Variants in SORCS3 observed in about 807,000 individuals in gnomAD.
The protein encoded by SORCS3 is VPS10 domain-containing receptor SorCS3.
A neutral mutation model predicts 146.3 loss-of-function variants in SORCS3; 57 were observed. That is an observed-to-expected ratio of 0.39 (90% CI 0.31 to 0.49). SORCS3 has a LOEUF of 0.49. SORCS3 is among the 20% of genes least tolerant of loss of function. The pLI, the probability that SORCS3 is intolerant of heterozygous loss-of-function variation, is 0.92. For synonymous variants in SORCS3, 653 were observed against 618.5 expected, an observed-to-expected ratio of 1.06 and a Z score of -0.83; for missense variants, 1,341 against 1,575.5, an observed-to-expected ratio of 0.85 and a Z score of 2.52.
At chr10:104,870,500 G>T (rs1352060145) in intron 2 of SORCS3, among the ~76,000 whole-genome samples, 1 of 151,936 alleles carries the variant, frequency 6.6e-6, no homozygotes, top group Non-Finnish European at 1.5e-5. Context: ...ACCTAAAACT[G>T]CCATCCACCC....
chr10:105,009,297 A>G (rs980009814), intron 4 of SORCS3, among the ~76,000 whole-genome samples: 16 of 152,182 alleles, frequency 1.1e-4, no homozygotes, highest in African/African-American at 3.9e-4. Flanking sequence ...TGTGGTAGAA[A>G]GAATTCAAGA....
chr10:104,804,016 T>A (rs2017654544), intron 1 of SORCS3, among the ~76,000 whole-genome samples: 1 of 152,240 alleles, frequency 6.6e-6, no homozygotes, highest in Admixed American at 6.5e-5. Context: ...TTTTGGGGTT[T>A]CTATTCACAA....
rs879267207 is a variant in SORCS3 at position 105,223,139 on chromosome 10, C to T, written c.2758C>T (p.Arg920Ter). The T allele has an allele frequency of 8.1e-6, 13 of 1,608,536 alleles. No homozygotes were observed. Among genetic ancestry groups the T allele is most frequent in the African/African-American group, 1.3e-5 (1 of 74,770 alleles). The change falls in exon 20 of 27, where the codon CGA becomes TGA. Residue 920 changes from arginine to a stop codon, truncating the protein, a stop_gained. Coordinates refer to ENST00000369701, the MANE Select transcript of SORCS3 (RefSeq NM_014978.3). LOFTEE classifies it high-confidence loss of function. ...VVCPVEHVHL[R>*]VPFVAIRNKE... ...AGGTCCTGTGGAGCATGTTCATCTC[C>T]GAGTTCCATTTGTTGCCATAAGAAA... is the stretch of plus-strand genomic sequence containing the variant.
chr10:104,829,781 C>T (rs2017980327), intron 1 of SORCS3, among the ~76,000 whole-genome samples: 1 of 152,132 alleles, frequency 6.6e-6, no homozygotes, highest in Non-Finnish European at 1.5e-5. Context: ...TCACCCTCTT[C>T]CTTGAAATGC....
intron 1 of SORCS3, among the ~76,000 whole-genome samples, chr10:104,696,914 T>A (rs993487494): frequency 2.7e-5 from 4 of 150,062 alleles, no homozygotes; most frequent in Non-Finnish European, 5.9e-5. Context: ...CTCACTTACA[T>A]GTGGAATCTA....
intron 11 of SORCS3, among the ~76,000 whole-genome samples, chr10:105,163,157 A>C (rs559860541): frequency 1.3e-5 from 2 of 152,116 alleles, no homozygotes; most frequent in South Asian, 4.1e-4. Context: ...TTGAGTCTCA[A>C]AACAAGTTGG....
intron 5 of SORCS3, among the ~76,000 whole-genome samples, chr10:105,069,520 C>G (rs933259465): frequency 6.6e-6 from 1 of 152,184 alleles, no homozygotes; most frequent in Non-Finnish European, 1.5e-5. Flanking sequence ...GATTATTAAC[C>G]ATGCCTAGGG....
chr10:104,930,832 G>C (rs1241738707), intron 3 of SORCS3, among the ~76,000 whole-genome samples: 1 of 152,174 alleles, frequency 6.6e-6, no homozygotes, highest in Non-Finnish European at 1.5e-5. Context: ...TTCCTCGTCT[G>C]TGTAATCGGG....
intron 1 of SORCS3, among the ~76,000 whole-genome samples, chr10:104,839,413 C>T (rs1564695397): frequency 6.6e-6 from 1 of 152,110 alleles, no homozygotes; most frequent in Non-Finnish European, 1.5e-5. Flanking sequence ...AAGGATGGGG[C>T]ACAGGCAGTG....
At chr10:104,889,212 C>T (rs927613558) in intron 2 of SORCS3, among the ~76,000 whole-genome samples, 6 of 147,428 alleles carry the variant, frequency 4.1e-5, no homozygotes, top group African/African-American at 1.5e-4. Flanking sequence ...TTTTAGACAC[C>T]ATCTAGTTGA....
chr10:104,989,311 G>A (rs1313018213), intron 4 of SORCS3, among the ~76,000 whole-genome samples: 6 of 152,178 alleles, frequency 3.9e-5, no homozygotes, highest in Non-Finnish European at 7.3e-5. Context: ...CAGATTATGC[G>A]AAGAATGGCA....
At position 104,874,256 on chromosome 10, in the gene SORCS3, A is replaced by G. The variant is rs2018547742; in HGVS notation, c.695+31397A>G. ...TTTTCAGAGTTTCTAGTTTGGTTTT[A>G]GATATCTGCCATTTGGATCTGCCAA... On this transcript the variant is annotated intron_variant, in intron 2 of 26. Coordinates refer to ENST00000369701, the MANE Select transcript of SORCS3 (RefSeq NM_014978.3). Among the ~76,000 whole-genome samples the G allele has an allele frequency of 2.6e-5, 4 of 152,072 alleles. No individual in the cohort carries two copies. The South Asian group carries it at 6.2e-4, about 24-fold the overall frequency.
At chr10:104,814,083 T>C (rs1410738322) in intron 1 of SORCS3, among the ~76,000 whole-genome samples, 2 of 152,122 alleles carry the variant, frequency 1.3e-5, no homozygotes, top group African/African-American at 4.8e-5. Flanking sequence ...TCTTCTAGAA[T>C]ATCTCTTACC....
At chr10:105,062,262 G>A (rs1266872628) in intron 5 of SORCS3, among the ~76,000 whole-genome samples, 1 of 152,150 alleles carries the variant, frequency 6.6e-6, no homozygotes, top group East Asian at 1.9e-4. Context: ...ATAATGTAGT[G>A]GCCCAGTGTA....
intron 5 of SORCS3, among the ~76,000 whole-genome samples, chr10:105,045,192 A>G (rs2055362739): frequency 6.6e-6 from 1 of 152,064 alleles, no homozygotes; most frequent in Admixed American, 6.6e-5. Context: ...GTCTGAATGA[A>G]ATTAAGTGCC....
At chr10:104,910,723 TAAG>T (rs1316363138) in intron 2 of SORCS3, among the ~76,000 whole-genome samples, 2 of 152,178 alleles carry the variant, frequency 1.3e-5, no homozygotes, top group South Asian at 2.1e-4. Context: ...CTGGAAATAA[TAAG>T]AAAAAAAGAA....
rs915985363 is a variant in SORCS3 at position 104,683,117 on chromosome 10, C to G, written c.627+41163C>G. ...TAGGAGTAGGGACACTTGTCCTCAA[C>G]CTGGTGCATCCCCAGCCAACTTTAC... is the stretch of plus-strand genomic sequence containing the variant. On this transcript the variant is annotated intron_variant, in intron 1 of 26. Coordinates refer to ENST00000369701, the MANE Select transcript of SORCS3 (RefSeq NM_014978.3). Among the ~76,000 whole-genome samples the G allele has an allele frequency of 5.3e-5, 8 of 152,332 alleles. 1 individual carries two copies. In the South Asian group the frequency reaches 1.2e-3, roughly 24 times the overall value.
At chr10:105,261,527 G>T (rs1015112955) in intron 25 of SORCS3, among the ~76,000 whole-genome samples, 17 of 152,168 alleles carry the variant, frequency 1.1e-4, no homozygotes, top group Non-Finnish European at 1.6e-4. Context: ...TGATGCTTAA[G>T]CCTGTTAATG....
At chr10:105,009,162 T>C (rs2055115784) in intron 4 of SORCS3, among the ~76,000 whole-genome samples, 1 of 152,094 alleles carries the variant, frequency 6.6e-6, no homozygotes, top group African/African-American at 2.4e-5. Context: ...ATTTCCAAGT[T>C]GAAGAATTTA....
Sources: allele counts gnomAD v4.1 joint callset (sites outside exome capture counted in the v4.1 genomes callset), GRCh38; gene constraint gnomAD v4.1.1; transcripts MANE v1.5; gene names NCBI Gene and HGNC (gene_info 2026-07-23, HGNC 2026-07-21).